CSNK1G1: variants seen among roughly 807,000 people sequenced by gnomAD.
CSNK1G1 encodes the protein casein kinase 1 gamma 1.
CSNK1G1 carries 22 observed loss-of-function variants against 59.6 expected under a neutral mutation model. The ratio of observed to expected loss-of-function variants is 0.37; its 90% CI spans 0.26 to 0.53. CSNK1G1 has a LOEUF of 0.53. CSNK1G1 is among the 20% of genes least tolerant of loss of function. The pLI, the probability that CSNK1G1 is intolerant of heterozygous loss-of-function variation, is 0.89. For missense variants in CSNK1G1, 384 were observed against 519.5 expected, an observed-to-expected ratio of 0.74 and a Z score of 2.54; for synonymous variants, 179 against 177.1, an observed-to-expected ratio of 1.01 and a Z score of -0.08.
At chr15:64,246,479 C>T (rs1353077299) in intron 4 of CSNK1G1, among the ~76,000 whole-genome samples, 1 of 152,014 alleles carries the variant, frequency 6.6e-6, no homozygotes, top group Non-Finnish European at 1.5e-5. Context: ...AAATATTAGC[C>T]AGCTATGGTG....
intron 4 of CSNK1G1, among the ~76,000 whole-genome samples, chr15:64,249,819 T>A (rs982862579): frequency 6.6e-6 from 1 of 152,216 alleles, no homozygotes; most frequent in Non-Finnish European, 1.5e-5. Context: ...GCAGCACAGA[T>A]GTTATTCCTA....
At chr15:64,177,241 A>G (rs8024952) in intron 11 of CSNK1G1, among the ~76,000 whole-genome samples, 2,273 of 152,292 alleles carry the variant, frequency 0.015, 67 homozygotes, top group African/African-American at 0.052. Flanking sequence ...GTGTCTCAAT[A>G]TAAGCATCAT....
At chr15:64,194,302 C>T (rs1235895530) in intron 10 of CSNK1G1, 1 of 151,742 alleles carries the variant, frequency 6.6e-6, no homozygotes, top group South Asian at 2.1e-4. Flanking sequence ...CAGAACTAAA[C>T]AGTACTCTGT....
chr15:64,204,500 G>C lies in CSNK1G1; in HGVS notation c.940C>G (p.Leu314Val). 4.3e-6 allele frequency: 7 copies of C among 1,613,518 alleles called. No individual in the cohort carries two copies. Among genetic ancestry groups the C allele is most frequent in the Non-Finnish European group, 5.9e-6 (7 of 1,179,788 alleles). ...YEYLRTLFTD[L>V]FEKKGYTFDY... ...AAGGTGTAGCCTTTCTTTTCAAAGAGGTCTGTGAAGAGGGTCCGTAAATAC... is the reference window on the plus strand; with the variant it reads ...AAGGTGTAGCCTTTCTTTTCAAAGACGTCTGTGAAGAGGGTCCGTAAATAC... The change falls in exon 9 of 12, where the codon CTC (leucine) becomes GTC (valine). Residue 314 changes from leucine (L) to valine (V), a missense_variant. By Grantham distance (32) the Leu-to-Val change is conservative. This residue lies in a region of CSNK1G1 where 325 missense variants were observed against 440.9 expected (regional missense o/e 0.74). Coordinates refer to ENST00000303052, the MANE Select transcript of CSNK1G1 (RefSeq NM_022048.5).
intron 4 of CSNK1G1, among the ~76,000 whole-genome samples, chr15:64,249,838 A>G (rs1891975720): frequency 6.6e-6 from 1 of 152,166 alleles, no homozygotes; most frequent in South Asian, 2.1e-4. Context: ...TACCTAACAA[A>G]TACATTAGAT....
intron 1 of CSNK1G1, among the ~76,000 whole-genome samples, chr15:64,353,247 ATAAC>A (rs777208765): frequency 6.6e-6 from 1 of 152,208 alleles, no homozygotes; most frequent in Non-Finnish European, 1.5e-5. Flanking sequence ...ACATTTGAAA[ATAAC>A]TAACTATAAG....
At position 64,333,213 on chromosome 15, in the gene CSNK1G1, C is replaced by T. The variant is rs550519528; in HGVS notation, c.-225+22775G>A. On this transcript the variant is annotated intron_variant, in intron 1 of 11. Coordinates refer to ENST00000303052, the MANE Select transcript of CSNK1G1 (RefSeq NM_022048.5). ...CCAAGGTTGCAGTCAGCCCAGATTG[C>T]GCCATTGCACTCCAGACTGAGCAAC... 1.2e-3 allele frequency among the ~76,000 whole-genome samples: 171 copies of T among 136,850 alleles called. 1 individual carries two copies. Among genetic ancestry groups the T allele is most frequent in the Non-Finnish European group, 1.9e-3 (122 of 64,956 alleles). 89.8% of individuals were successfully genotyped at this position (136,850 alleles called of 152,430 possible).
Position 64,171,817 on chromosome 15 carries a change from G to T in CSNK1G1, c.*114C>A. On this transcript the variant is annotated 3_prime_UTR_variant, in exon 12 of 12. Transcript: ENST00000303052. This position sits in a 1 kb window ranked among gnomAD's most constrained non-coding sequence, Gnocchi z 4.8. ...GGGGGCATCTGTTTTCTTCTTTTTG[G>T]TTTGGATATCCACCCTCCCCCAAAG... is the stretch of plus-strand genomic sequence containing the variant. 1 of 944,672 alleles carries T rather than the reference G, an allele frequency of 1.1e-6. No homozygotes were observed. The highest frequency in any genetic ancestry group is 1.9e-5 in the Admixed American group (1 of 53,138). The allele number at this position is 944,672 out of a possible 1,614,324, so 58.5% of individuals were successfully genotyped here.
At position 64,176,330 on chromosome 15, in the gene CSNK1G1, AAG is replaced by A. The variant is rs1012019314; in HGVS notation, c.1214+4016_1214+4017del. On this transcript the variant is annotated intron_variant, in intron 11 of 11. Transcript: ENST00000303052. The surrounding 1 kb of genome is among the most constrained non-coding windows in gnomAD (Gnocchi z 5.2). ...AAAAACACAGAAAGGAAGAGAGAGA[AAG>A]AGAGAGATATTAGTCCACAGAGGTG... The A allele has an allele frequency of 2.3e-5, 9 of 398,470 alleles. No homozygotes were observed. The highest frequency in any genetic ancestry group is 7.1e-5 in the East Asian group (2 of 28,090). 24.7% of individuals were successfully genotyped at this position (398,470 alleles called of 1,614,324 possible). A position where few individuals can be genotyped will look rare whatever the true frequency, so the allele number is the denominator to read the frequency against.
At chr15:64,352,248 G>A (rs1258022555) in intron 1 of CSNK1G1, among the ~76,000 whole-genome samples, 1 of 151,808 alleles carries the variant, frequency 6.6e-6, no homozygotes, top group Non-Finnish European at 1.5e-5. Flanking sequence ...GGAGGTTGCA[G>A]TGAGCCAAGA....
chr15:64,344,367 C>G (rs1897832861), intron 1 of CSNK1G1, among the ~76,000 whole-genome samples: 1 of 152,142 alleles, frequency 6.6e-6, no homozygotes. Context: ...CACATGAAAG[C>G]AGAATTCCAT....
rs1214427207 is a variant in CSNK1G1 at position 64,168,655 on chromosome 15, CAG to C, written c.*3274_*3275del. Reference sequence around the variant, plus strand: ...CCATACTTGTGAAATGGAGAAAGCTCAGAAACTACAGAGCAAGTGGATGGGTG... The same window carrying C: ...CCATACTTGTGAAATGGAGAAAGCTCAAACTACAGAGCAAGTGGATGGGTG... On this transcript the variant is annotated 3_prime_UTR_variant, in exon 12 of 12. Coordinates refer to ENST00000303052, the MANE Select transcript of CSNK1G1 (RefSeq NM_022048.5). 6.6e-6 allele frequency: 1 copy of C among 152,202 alleles called. No homozygotes were observed. The highest frequency in any genetic ancestry group is 1.5e-5 in the Non-Finnish European group (1 of 68,040). 9.4% of individuals were successfully genotyped at this position (152,202 alleles called of 1,614,324 possible).
At chr15:64,189,503 G>A in intron 10 of CSNK1G1, 1 of 1,210,008 alleles carries the variant, frequency 8.3e-7, no homozygotes, top group South Asian at 1.5e-5. Flanking sequence ...AAAATGAGTA[G>A]TTGGAGAGGC....
chr15:64,187,353 G>A (rs2081911540), intron 10 of CSNK1G1, among the ~76,000 whole-genome samples: 1 of 149,878 alleles, frequency 6.7e-6, no homozygotes, highest in South Asian at 2.2e-4. Context: ...CACCGGGCCT[G>A]GCTAATTTTT....
chr15:64,325,179 T>C (rs1896778341), intron 1 of CSNK1G1, among the ~76,000 whole-genome samples: 1 of 152,200 alleles, frequency 6.6e-6, no homozygotes, highest in Non-Finnish European at 1.5e-5. Flanking sequence ...GTAATAGAAG[T>C]ATATTTTAAG....
Position 64,329,955 on chromosome 15 carries a change from C to A in CSNK1G1, c.-225+26033G>T, listed in dbSNP as rs1429812062. ...ATGGATACATTCCTCGACACATACACTCTCCCAAGACTAGACCAGGAAGAA... is the reference window on the plus strand; with the variant it reads ...ATGGATACATTCCTCGACACATACAATCTCCCAAGACTAGACCAGGAAGAA... On this transcript the variant is annotated intron_variant, in intron 1 of 11. Coordinates refer to ENST00000303052, the MANE Select transcript of CSNK1G1 (RefSeq NM_022048.5). Among the ~76,000 whole-genome samples, 12 of 151,306 alleles carry A rather than the reference C, an allele frequency of 7.9e-5. No homozygotes were observed. In the South Asian group the frequency reaches 8.4e-4, roughly 11 times the overall value.
At position 64,238,518 on chromosome 15, in the gene CSNK1G1, A is replaced by AATATATAT. The variant is rs1212005568; in HGVS notation, c.292+12986_292+12993dup. 1.2e-3 allele frequency among the ~76,000 whole-genome samples: 59 copies of AATATATAT among 49,234 alleles called. 1 individual carries two copies. Among genetic ancestry groups the AATATATAT allele is most frequent in the African/African-American group, 3.8e-3 (32 of 8,516 alleles). 32.3% of individuals were successfully genotyped at this position (49,234 alleles called of 152,430 possible). ...TTAAAAAAAAAAAAAAAAAAAAAAA[A>AATATATAT]ATATATATATATATATATATATATA... On this transcript the variant is annotated intron_variant, in intron 4 of 11. Transcript: ENST00000303052.
intron 10 of CSNK1G1, among the ~76,000 whole-genome samples, chr15:64,199,904 G>A (rs2082086446): frequency 1.3e-5 from 2 of 151,986 alleles, no homozygotes; most frequent in Admixed American, 1.3e-4. Context: ...CATTCTAAGA[G>A]AATGGAGGTA....
chr15:64,285,493 A>G (rs1015815890), intron 2 of CSNK1G1, among the ~76,000 whole-genome samples: 3 of 152,184 alleles, frequency 2.0e-5, no homozygotes, highest in Non-Finnish European at 4.4e-5. Context: ...CTATTTGCTG[A>G]AGTACTTTAT....
Sources: allele counts gnomAD v4.1 joint callset (sites outside exome capture counted in the v4.1 genomes callset), GRCh38; gene constraint gnomAD v4.1.1; regional missense constraint gnomAD v4.1.1; non-coding constraint Gnocchi (gnomAD v3.1); transcripts MANE v1.5; gene names NCBI Gene and HGNC (gene_info 2026-07-23, HGNC 2026-07-21).